Variants in CNST observed in about 807,000 individuals in gnomAD.
CNST encodes the protein consortin.
Under a neutral mutation model 72.4 loss-of-function variants are expected in CNST, and 39 were observed. That is an observed-to-expected ratio of 0.54 (90% CI 0.42 to 0.70). The LOEUF is 0.70. CNST is among the 30% of genes least tolerant of loss of function. The probability of loss-of-function intolerance (pLI) is 0.00; values close to 1 mark genes in which losing one functional copy is unlikely to be tolerated. For synonymous variants in CNST, 332 were observed against 320.1 expected (o/e 1.04, Z -0.40); for missense variants, 871 against 868.5 (o/e 1.00, Z -0.04).
chr1:246,567,577 A>C (rs1288640462), intron 1 of CNST, among the ~76,000 whole-genome samples: 2 of 152,192 alleles, frequency 1.3e-5, no homozygotes, highest in African/African-American at 2.4e-5. Flanking sequence ...AAGGTTCCTA[A>C]GGAATGTATC....
chr1:246,572,679 AAT>A (rs1660137627), intron 1 of CNST, among the ~76,000 whole-genome samples: 1 of 152,132 alleles, frequency 6.6e-6, no homozygotes, highest in South Asian at 2.1e-4. Flanking sequence ...TTGAATAATA[AAT>A]AGTGGAGTTA....
chr1:246,618,609 C>T (rs1216030679), intron 2 of CNST, among the ~76,000 whole-genome samples: 1 of 152,152 alleles, frequency 6.6e-6, no homozygotes, highest in African/African-American at 2.4e-5. Flanking sequence ...CCATTAGCCC[C>T]CTGCTGCTCT....
intron 6 of CNST, among the ~76,000 whole-genome samples, chr1:246,641,009 A>G (rs555158143): frequency 5.0e-4 from 76 of 152,304 alleles, no homozygotes; most frequent in African/African-American, 1.6e-3. Flanking sequence ...AGTAACCACT[A>G]TCTGGACTCT....
chr1:246,615,359 T>G (rs2103067599), intron 2 of CNST, among the ~76,000 whole-genome samples: 1 of 151,928 alleles, frequency 6.6e-6, no homozygotes, highest in Admixed American at 6.5e-5. Context: ...GTATTTTTAG[T>G]AGAGTCGGGG....
intron 2 of CNST, among the ~76,000 whole-genome samples, chr1:246,605,541 A>G (rs12405756): frequency 0.89 from 126,956 of 141,884 alleles, 56,519 homozygotes; most frequent in African/African-American, 0.93. Context: ...TCAGCGCCAC[A>G]TGAGGACGGG....
intron 6 of CNST, among the ~76,000 whole-genome samples, chr1:246,639,287 G>C (rs1393228734): frequency 6.6e-6 from 1 of 152,162 alleles, no homozygotes; most frequent in African/African-American, 2.4e-5. Flanking sequence ...GTAATCGGCT[G>C]TGCAGGGTTT....
intron 9 of CNST, among the ~76,000 whole-genome samples, chr1:246,655,190 A>G (rs920095245): frequency 6.6e-6 from 1 of 152,168 alleles, no homozygotes; most frequent in Admixed American, 6.5e-5. Flanking sequence ...TCACCTAGAA[A>G]CTTAGACACA....
At chr1:246,597,589 G>A (rs1305289721) in intron 2 of CNST, among the ~76,000 whole-genome samples, 1 of 152,200 alleles carries the variant, frequency 6.6e-6, no homozygotes, top group Non-Finnish European at 1.5e-5. Context: ...AACTGGGAAG[G>A]GAAGACCTTT....
chr1:246,659,264 G>A (rs576498921), intron 9 of CNST, among the ~76,000 whole-genome samples: 1 of 152,318 alleles, frequency 6.6e-6, no homozygotes, highest in East Asian at 1.9e-4. Flanking sequence ...CCTTTGGCCT[G>A]TGGGCCATAG....
intron 2 of CNST, among the ~76,000 whole-genome samples, chr1:246,594,601 C>G (rs1424561985): frequency 6.6e-6 from 1 of 152,036 alleles, no homozygotes; most frequent in Non-Finnish European, 1.5e-5. Flanking sequence ...GAAACCCCAT[C>G]TCTAAAAAAA....
chr1:246,660,411 C>T (rs1421255491), intron 10 of CNST, 77 bp downstream of exon 10: 12 of 1,469,664 alleles, frequency 8.2e-6, no homozygotes, highest in Admixed American at 6.0e-5. Context: ...AATGATGTGA[C>T]GTTTACTAAC....
In CNST at chr1:246,589,998, G is replaced by A. The variant is rs191603018; in HGVS notation, c.-51-1514G>A. 4.3e-4 allele frequency among the ~76,000 whole-genome samples: 65 copies of A among 152,202 alleles called. No homozygotes were observed. In the East Asian group the frequency reaches 9.7e-3, roughly 23 times the overall value. The stretch of plus-strand genomic sequence containing the variant: ...TCTTGTAAATTTGTTTGAGTTCATT[G>A]TAGATTCTGGACATTAGCCCTTTGT... On this transcript the variant is annotated intron_variant, in intron 1 of 10. Coordinates refer to ENST00000366513, the MANE Select transcript of CNST (RefSeq NM_152609.3).
At chr1:246,632,125 C>G (rs1347974259) in intron 4 of CNST, 21 of 462,212 alleles carry the variant, frequency 4.5e-5, no homozygotes, top group Non-Finnish European at 7.3e-5. Flanking sequence ...TTTCCTAGAA[C>G]CATCCAAAGT....
At chr1:246,646,882 CTT>C (rs985767159) in intron 8 of CNST, among the ~76,000 whole-genome samples, 21 of 152,260 alleles carry the variant, frequency 1.4e-4, no homozygotes, top group South Asian at 8.3e-4. Flanking sequence ...TTGAAAATGA[CTT>C]TGTTGATTTT....
Position 246,595,635 on chromosome 1 carries a change from T to C in CNST, c.379+3694T>C, listed in dbSNP as rs183371182. Among the ~76,000 whole-genome samples the C allele has an allele frequency of 1.5e-4, 23 of 152,276 alleles. No homozygotes were observed. In the East Asian group the frequency reaches 4.2e-3, roughly 28 times the overall value. On this transcript the variant is annotated intron_variant, in intron 2 of 10. Coordinates refer to ENST00000366513, the MANE Select transcript of CNST (RefSeq NM_152609.3). ...GTACTTTTCTAATAATTGAATAGCT[T>C]CTCAAATGTGAAATGACATATAAAA...
intron 2 of CNST, 34 bp from the exon 3 acceptor site, chr1:246,621,395 A>C (rs754593918): frequency 6.7e-7 from 1 of 1,489,080 alleles, no homozygotes; most frequent in Admixed American, 1.7e-5. Flanking sequence ...ATGGGAATTG[A>C]TCCTAACATA....
In CNST at chr1:246,566,903, C is replaced by T. The variant is rs55972918; in HGVS notation, c.-52+240C>T. ...CTGCGCGTCGCGCCAATTTCTCCCTCCCTAGGGGACTAGCGCCAGAAGTCG... is the reference window on the plus strand; with the variant it reads ...CTGCGCGTCGCGCCAATTTCTCCCTTCCTAGGGGACTAGCGCCAGAAGTCG... On this transcript the variant is annotated intron_variant, in intron 1 of 10. Transcript: ENST00000366513. The T allele has an allele frequency of 4.4e-3, 1,604 of 363,532 alleles. 5 individuals are homozygous for T. The highest frequency in any genetic ancestry group is 0.014 in the Middle Eastern group (20 of 1,448). The allele number at this position is 363,532 out of a possible 1,614,324, so 22.5% of individuals were successfully genotyped here. A position where few individuals can be genotyped will look rare whatever the true frequency, so the allele number is the denominator to read the frequency against.
chr1:246,658,815 T>C (rs576337024), intron 9 of CNST, among the ~76,000 whole-genome samples: 1 of 152,314 alleles, frequency 6.6e-6, no homozygotes, highest in African/African-American at 2.4e-5. Flanking sequence ...ACCTACAGCT[T>C]GTAGCAATCA....
intron 9 of CNST, among the ~76,000 whole-genome samples, chr1:246,651,420 C>G (rs1666441702): frequency 6.6e-6 from 1 of 152,112 alleles, no homozygotes; most frequent in Non-Finnish European, 1.5e-5. Context: ...GCCAGCTTTC[C>G]CCTTTCCTCT....
Sources: allele counts gnomAD v4.1 joint callset (sites outside exome capture counted in the v4.1 genomes callset), GRCh38; gene constraint gnomAD v4.1.1; transcripts MANE v1.5; gene names NCBI Gene and HGNC (gene_info 2026-07-23, HGNC 2026-07-21).